NFIX: variants seen among roughly 807,000 people sequenced by gnomAD.
NFIX encodes nuclear factor 1 X-type.
Under a neutral mutation model 53.3 loss-of-function variants are expected in NFIX, and 2 were observed. That is an observed-to-expected ratio of 0.04 (90% CI 0.02 to 0.12). The LOEUF (loss-of-function observed/expected upper bound fraction) is 0.12, where lower values mean the gene tolerates loss of function less well. Among genes scored for constraint, NFIX ranks in the 10% least tolerant of loss-of-function variants. The pLI is 1.00. For synonymous variants in NFIX, 244 were observed against 289.0 expected (o/e 0.84, Z 1.58); for missense variants, 310 against 674.5 (o/e 0.46, Z 5.99).
At chr19:13,035,104 C>G (rs186261744) in intron 2 of NFIX, among the ~76,000 whole-genome samples, 5 of 152,318 alleles carry the variant, frequency 3.3e-5, no homozygotes, top group Admixed American at 2.0e-4. Context: ...CAGAATCATG[C>G]ATGGCTGAGA....
chr19:13,085,760 G>A (rs955045666), intron 8 of NFIX, among the ~76,000 whole-genome samples: 2 of 152,192 alleles, frequency 1.3e-5, no homozygotes, highest in Non-Finnish European at 2.9e-5. Flanking sequence ...GCTGGTCATC[G>A]TGGTAAAAAA....
intron 8 of NFIX, among the ~76,000 whole-genome samples, chr19:13,084,846 G>C (rs2145488831): frequency 6.6e-6 from 1 of 152,178 alleles, no homozygotes; most frequent in East Asian, 1.9e-4. Context: ...GAGGTGGGCG[G>C]ATCATCTGAG....
At chr19:13,042,605 G>A (rs983677087) in intron 2 of NFIX, among the ~76,000 whole-genome samples, 1 of 151,896 alleles carries the variant, frequency 6.6e-6, no homozygotes, top group African/African-American at 2.4e-5. Context: ...TGATCTTTCC[G>A]CCTCAGCCTT....
rs2018552539 is a variant in NFIX at position 13,097,848 on chromosome 19, A to T, written c.*3199A>T. The T allele has an allele frequency of 7.0e-6, 1 of 143,638 alleles. No homozygotes were observed. The highest frequency in any genetic ancestry group is 2.3e-4 in the South Asian group (1 of 4,334). The allele number at this position is 143,638 out of a possible 1,614,324, so 8.9% of individuals were successfully genotyped here. ...GGCGCCCCTCCCGCCCCCATTCAAC[A>T]TCTCTCATCCTATCCCCGACCCCCT... On this transcript the variant is annotated 3_prime_UTR_variant, in exon 11 of 11. Transcript: ENST00000592199.
intron 6 of NFIX, among the ~76,000 whole-genome samples, chr19:13,077,992 C>T (rs887862940): frequency 2.6e-5 from 4 of 152,162 alleles, no homozygotes; most frequent in Non-Finnish European, 4.4e-5. Flanking sequence ...AGTCTTCTCC[C>T]CTCTGGCTCT....
In NFIX at chr19:13,081,602, C is replaced by A; in HGVS notation, c.1079-78C>A. The A allele has an allele frequency of 6.8e-7, 1 of 1,468,306 alleles. No individual in the cohort carries two copies. Among genetic ancestry groups the A allele is most frequent in the Non-Finnish European group, 9.2e-7 (1 of 1,084,934 alleles). 91.0% of individuals were successfully genotyped at this position (1,468,306 alleles called of 1,614,324 possible). A position where few individuals can be genotyped will look rare whatever the true frequency, so the allele number is the denominator to read the frequency against. The stretch of plus-strand genomic sequence containing the variant: ...ATCCTCAGGACCCTCTGACCGGCAG[C>A]TCCCCTCCTCTCCTGTCCCTCCCAC... On this transcript the variant is annotated intron_variant, in intron 7 of 10. Coordinates refer to ENST00000592199, the MANE Select transcript of NFIX (RefSeq NM_001365902.3). The surrounding 1 kb of genome is among the most constrained non-coding windows in gnomAD (Gnocchi z 4.7).
chr19:13,078,610 C>T lies in NFIX; in HGVS notation c.956-3C>T, dbSNP rs1303326568. 4.4e-6 allele frequency: 7 copies of T among 1,599,102 alleles called. No individual in the cohort carries two copies. The highest frequency in any genetic ancestry group is 6.0e-6 in the Non-Finnish European group (7 of 1,173,230). ...GCCCTGTGTTGCTGCTTCCTCCCCC[C>T]AGGCCCGGCTTCTCTAAAGAAGTCA... On this transcript the variant is annotated splice_region_variant and splice_polypyrimidine_tract_variant and intron_variant, in intron 6 of 10. Transcript: ENST00000592199. The surrounding 1 kb of genome is among the most constrained non-coding windows in gnomAD (Gnocchi z 4.7).
At chr19:13,024,680 CGT>C in intron 1 of NFIX, 1 of 1,535,738 alleles carries the variant, frequency 6.5e-7, no homozygotes, top group African/African-American at 1.4e-5. Flanking sequence ...ATACCAGCAG[CGT>C]GTGTGTGTGG....
In NFIX at chr19:13,002,397, C is replaced by A. The variant is rs572988515; in HGVS notation, c.27+6533C>A. ...ACCCCCCCTTCCTCACCACCTCCCC[C>A]CTCCCGAGGAGCCCCTCTGAGGGCG... is the stretch of plus-strand genomic sequence containing the variant. On this transcript the variant is annotated intron_variant, in intron 1 of 10. Coordinates refer to ENST00000592199, the MANE Select transcript of NFIX (RefSeq NM_001365902.3). The surrounding 1 kb of genome is among the most constrained non-coding windows in gnomAD (Gnocchi z 6.1). Among the ~76,000 whole-genome samples the A allele has an allele frequency of 3.9e-5, 6 of 152,118 alleles. No individual in the cohort carries two copies. Among genetic ancestry groups the A allele is most frequent in the East Asian group, 1.9e-4 (1 of 5,168 alleles).
In NFIX at chr19:13,006,949, TG is replaced by T. The variant is rs1436504190; in HGVS notation, c.27+11089del. Among the ~76,000 whole-genome samples, 1 of 151,984 alleles carries T rather than the reference TG, an allele frequency of 6.6e-6. No individual in the cohort carries two copies. The highest frequency in any genetic ancestry group is 1.5e-5 in the Non-Finnish European group (1 of 67,976). On this transcript the variant is annotated intron_variant, in intron 1 of 10. Coordinates refer to ENST00000592199, the MANE Select transcript of NFIX (RefSeq NM_001365902.3). This position sits in a 1 kb window ranked among gnomAD's most constrained non-coding sequence, Gnocchi z 5.6. ...TCCATTTCGAAGCTTGAGGTGGGGG[TG>T]GGGAAGTGCTGGGCGCCTCCAGGCC... is the stretch of plus-strand genomic sequence containing the variant.
chr19:13,055,556 C>T (rs2145339432), intron 2 of NFIX, among the ~76,000 whole-genome samples: 1 of 152,330 alleles, frequency 6.6e-6, no homozygotes, highest in African/African-American at 2.4e-5. Context: ...GAGGAGCCGC[C>T]CCTCACGGGG....
Position 13,097,723 on chromosome 19 carries a change from C to G in NFIX, c.*3074C>G, listed in dbSNP as rs117198656. The G allele has an allele frequency of 6.7e-6, 1 of 149,002 alleles. No homozygotes were observed. Among genetic ancestry groups the G allele is most frequent in the African/African-American group, 2.5e-5 (1 of 40,714 alleles). 9.2% of individuals were successfully genotyped at this position (149,002 alleles called of 1,614,324 possible). A position where few individuals can be genotyped will look rare whatever the true frequency, so the allele number is the denominator to read the frequency against. On this transcript the variant is annotated 3_prime_UTR_variant, in exon 11 of 11. Coordinates refer to ENST00000592199, the MANE Select transcript of NFIX (RefSeq NM_001365902.3). Reference sequence around the variant, plus strand: ...AAACGTCCCCTCCCTCCCTCCCTCTCCGCCCCGAGCGCCCTTCTTTGAGCC... The same window carrying G: ...AAACGTCCCCTCCCTCCCTCCCTCTGCGCCCCGAGCGCCCTTCTTTGAGCC...
chr19:13,060,677 G>A lies in NFIX; in HGVS notation c.560-12370G>A, dbSNP rs1464018239. ...AGCCAGCTAGACTGTTTTGCTCTGG[G>A]GCCTGAGGATTGCGGGGCCAGGGAA... On this transcript the variant is annotated intron_variant, in intron 2 of 10. Coordinates refer to ENST00000592199, the MANE Select transcript of NFIX (RefSeq NM_001365902.3). This position sits in a 1 kb window ranked among gnomAD's most constrained non-coding sequence, Gnocchi z 4.3. 6.6e-6 allele frequency among the ~76,000 whole-genome samples: 1 copy of A among 152,164 alleles called. No homozygotes were observed. The highest frequency in any genetic ancestry group is 1.9e-4 in the East Asian group (1 of 5,170).
chr19:13,038,172 A>G (rs2014342759), intron 2 of NFIX, among the ~76,000 whole-genome samples: 1 of 152,208 alleles, frequency 6.6e-6, no homozygotes, highest in South Asian at 2.1e-4. Context: ...GCCATCTCAA[A>G]GTGAGACAGT....
At position 13,060,459 on chromosome 19, in the gene NFIX, T is replaced by G. The variant is rs188866866; in HGVS notation, c.560-12588T>G. 9.8e-5 allele frequency among the ~76,000 whole-genome samples: 15 copies of G among 152,336 alleles called. No homozygotes were observed. In the East Asian group the frequency reaches 2.9e-3, roughly 30 times the overall value. ...AGCTCCCAGCTTGTGCTGCACCCTC[T>G]GACCACAACTTTGTGGGGCGCCTGC... On this transcript the variant is annotated intron_variant, in intron 2 of 10. Transcript: ENST00000592199. This position sits in a 1 kb window ranked among gnomAD's most constrained non-coding sequence, Gnocchi z 4.3.
Position 13,052,085 on chromosome 19 carries a change from G to GGATTT in NFIX, c.560-20961_560-20960insATTTG, listed in dbSNP as rs2015362776. ...CAGGATTTGGGACCAAACGCCCTCA[G>GGATTT]GCATCCAGGTGGTGCCCGGGTTGAT... is the stretch of plus-strand genomic sequence containing the variant. On this transcript the variant is annotated intron_variant, in intron 2 of 10. Transcript: ENST00000592199. The surrounding 1 kb of genome is among the most constrained non-coding windows in gnomAD (Gnocchi z 5.2). 6.6e-6 allele frequency among the ~76,000 whole-genome samples: 1 copy of GGATTT among 152,150 alleles called. No individual in the cohort carries two copies. Among genetic ancestry groups the GGATTT allele is most frequent in the Admixed American group, 6.5e-5 (1 of 15,272 alleles).
intron 8 of NFIX, among the ~76,000 whole-genome samples, chr19:13,083,681 T>G (rs2017605497): frequency 6.6e-6 from 1 of 152,116 alleles, no homozygotes; most frequent in African/African-American, 2.4e-5. Flanking sequence ...GTGGCCCAGC[T>G]GGGGAGCAAC....
chr19:13,078,568 C>T lies in NFIX; in HGVS notation c.956-45C>T, dbSNP rs199961672. 6 of 1,568,002 alleles carry T rather than the reference C, an allele frequency of 3.8e-6. No individual in the cohort carries two copies. ...GCTTCCCGCCTTCCCCGCACCCACC[C>T]CAGCCCAGCTAAACCTGCCCTGTGT... On this transcript the variant is annotated intron_variant, in intron 6 of 10. Transcript: ENST00000592199. The surrounding 1 kb of genome is among the most constrained non-coding windows in gnomAD (Gnocchi z 4.7).
At chr19:13,035,300 GT>G (rs1473899813) in intron 2 of NFIX, among the ~76,000 whole-genome samples, 1 of 152,230 alleles carries the variant, frequency 6.6e-6, no homozygotes, top group East Asian at 1.9e-4. Context: ...GGCTGAAGCA[GT>G]TTGGGGGCTT....
Sources: allele counts gnomAD v4.1 joint callset (sites outside exome capture counted in the v4.1 genomes callset), GRCh38; gene constraint gnomAD v4.1.1; non-coding constraint Gnocchi (gnomAD v3.1); transcripts MANE v1.5; gene names NCBI Gene and HGNC (gene_info 2026-07-23, HGNC 2026-07-21).